The following FNDC3A variants were observed in gnomAD, a reference collection of about 807,000 sequenced individuals.
FNDC3A encodes the protein fibronectin type-III domain-containing protein 3A.
A neutral mutation model predicts 148.9 loss-of-function variants in FNDC3A; 32 were observed. The ratio of observed to expected loss-of-function variants is 0.21; its 90% CI spans 0.16 to 0.29. FNDC3A has a LOEUF of 0.29. Among genes scored for constraint, FNDC3A ranks in the 10% least tolerant of loss-of-function variants. The pLI is 1.00. For synonymous variants in FNDC3A, 472 were observed against 473.6 expected, an observed-to-expected ratio of 1.00 and a Z score of 0.04; for missense variants, 1,191 against 1,452.8, an observed-to-expected ratio of 0.82 and a Z score of 2.93.
intron 3 of FNDC3A, among the ~76,000 whole-genome samples, chr13:49,081,128 G>A (rs138613377): frequency 6.4e-4 from 98 of 152,276 alleles, no homozygotes; most frequent in African/African-American, 2.0e-3. Flanking sequence ...CTCCTTATGA[G>A]AGGCAGGTAT....
intron 8 of FNDC3A, among the ~76,000 whole-genome samples, chr13:49,160,412 G>T (rs1394345090): frequency 6.6e-6 from 1 of 152,160 alleles, no homozygotes; most frequent in Non-Finnish European, 1.5e-5. Flanking sequence ...GCATAGAGGT[G>T]TTTATAGTAT....
chr13:49,006,605 C>T (rs1310464153), intron 2 of FNDC3A, among the ~76,000 whole-genome samples: 2 of 151,746 alleles, frequency 1.3e-5, no homozygotes, highest in Admixed American at 1.3e-4. Flanking sequence ...TAAATCATTT[C>T]AAATCATTAT....
rs185316004 is a variant in FNDC3A at position 49,170,647 on chromosome 13, T to G, written c.1177-1396T>G. ...GAACAAATTCAGTTCTGCTCTACTT[T>G]TAATGACTTTGTGATCTGGGATGAT... On this transcript the variant is annotated intron_variant, in intron 10 of 25. Transcript: ENST00000492622. Among the ~76,000 whole-genome samples, 246 of 152,344 alleles carry G rather than the reference T, an allele frequency of 1.6e-3. 6 individuals are homozygous for G. The South Asian group carries it at 0.045, about 28-fold the overall frequency.
At chr13:48,988,334 A>G (rs1951844467) in intron 1 of FNDC3A, among the ~76,000 whole-genome samples, 1 of 152,230 alleles carries the variant, frequency 6.6e-6, no homozygotes, top group South Asian at 2.1e-4. Flanking sequence ...ACCCCAAAGC[A>G]TAAATTCATA....
At chr13:49,199,875 CT>C (rs1460122183) in intron 23 of FNDC3A, among the ~76,000 whole-genome samples, 2 of 152,174 alleles carry the variant, frequency 1.3e-5, no homozygotes, top group Non-Finnish European at 2.9e-5. Context: ...CAGGTTCTTT[CT>C]GTGCCTCTTT....
intron 1 of FNDC3A, among the ~76,000 whole-genome samples, chr13:48,984,069 T>A (rs1951745706): frequency 6.6e-6 from 1 of 152,202 alleles, no homozygotes; most frequent in African/African-American, 2.4e-5. Flanking sequence ...TTCATTAGCC[T>A]TCTTATATAT....
intron 14 of FNDC3A, among the ~76,000 whole-genome samples, chr13:49,181,217 G>A (rs938462881): frequency 6.6e-6 from 1 of 152,234 alleles, no homozygotes; most frequent in Admixed American, 6.5e-5. Context: ...AGATAATGAG[G>A]TTGGAGATGG....
At chr13:49,089,868 A>C (rs1879068541) in intron 3 of FNDC3A, among the ~76,000 whole-genome samples, 1 of 152,220 alleles carries the variant, frequency 6.6e-6, no homozygotes, top group Non-Finnish European at 1.5e-5. Flanking sequence ...CACAGCAATA[A>C]AAAACTAAGA....
intron 5 of FNDC3A, among the ~76,000 whole-genome samples, chr13:49,132,335 T>G (rs1389792885): frequency 6.6e-6 from 1 of 152,180 alleles, no homozygotes; most frequent in Non-Finnish European, 1.5e-5. Flanking sequence ...ACTATTTCAG[T>G]GATTTCCCAT....
chr13:49,181,345 T>A (rs980577701), intron 14 of FNDC3A, among the ~76,000 whole-genome samples: 3 of 152,224 alleles, frequency 2.0e-5, no homozygotes, highest in African/African-American at 4.8e-5. Context: ...CAGGCCATTT[T>A]GTCAGTATCG....
intron 2 of FNDC3A, among the ~76,000 whole-genome samples, chr13:49,029,162 G>C (rs1873935948): frequency 6.6e-6 from 1 of 152,064 alleles, no homozygotes; most frequent in South Asian, 2.1e-4. Context: ...AGTAGAGACA[G>C]GGTCTCCCTC....
At chr13:49,073,273 T>C (rs1877827412) in intron 2 of FNDC3A, among the ~76,000 whole-genome samples, 1 of 152,010 alleles carries the variant, frequency 6.6e-6, no homozygotes, top group African/African-American at 2.4e-5. Context: ...ATGCAAAGGG[T>C]TCATACAAAT....
At chr13:49,176,871 G>A (rs1313166008) in intron 13 of FNDC3A, among the ~76,000 whole-genome samples, 1 of 152,140 alleles carries the variant, frequency 6.6e-6, no homozygotes, top group African/African-American at 2.4e-5. Context: ...CACAATCTCA[G>A]TTCACTTCAG....
intron 14 of FNDC3A, 52 bp downstream of exon 14, chr13:49,178,706 GT>G (rs768947938): frequency 1.0e-6 from 1 of 977,916 alleles, no homozygotes; most frequent in Admixed American, 2.7e-5. Context: ...ATTCTTACTG[GT>G]GTGGTGGGGT....
At chr13:49,171,177 G>T (rs1163599531) in intron 10 of FNDC3A, among the ~76,000 whole-genome samples, 2 of 152,056 alleles carry the variant, frequency 1.3e-5, no homozygotes, top group African/African-American at 4.8e-5. Context: ...ATTAATGTAA[G>T]ATCTGTATTA....
intron 14 of FNDC3A, among the ~76,000 whole-genome samples, chr13:49,184,758 A>C (rs1005725684): frequency 1.3e-5 from 2 of 152,098 alleles, no homozygotes. Flanking sequence ...GTGTAGGTAA[A>C]GCTTGTTTGT....
chr13:49,197,870 T>C lies in FNDC3A; in HGVS notation c.2486T>C (p.Val829Ala), dbSNP rs764497856. 4 of 1,599,898 alleles carry C rather than the reference T, an allele frequency of 2.5e-6. No individual in the cohort carries two copies. The highest frequency in any genetic ancestry group is 1.8e-5 in the Admixed American group (1 of 54,762). ...LSPATTYYCR[V>A]QALSVVGAGP... ...CCAGCAACTACCTATTATTGCAGGG[T>C]CCAGGTAAAGATGATCAGTACCTTG... The change falls in exon 21 of 26, where the codon GTC becomes GCC. Residue 829 changes from valine (V) to alanine (A), a missense_variant. By Grantham distance (64) the Val-to-Ala change is moderately conservative. This residue lies in a region of FNDC3A where 751 missense variants were observed against 944.0 expected (regional missense o/e 0.80). Transcript: ENST00000492622.
At chr13:49,158,626 G>A (rs985951845) in intron 8 of FNDC3A, among the ~76,000 whole-genome samples, 1 of 152,214 alleles carries the variant, frequency 6.6e-6, no homozygotes, top group Non-Finnish European at 1.5e-5. Flanking sequence ...AGTTTAATTA[G>A]ATCCCATTTG....
intron 2 of FNDC3A, among the ~76,000 whole-genome samples, chr13:49,015,322 G>C (rs1952472923): frequency 6.6e-6 from 1 of 152,140 alleles, no homozygotes; most frequent in South Asian, 2.1e-4. Context: ...CACATCCCTT[G>C]TAAGTTGGAT....
Sources: gnomAD v4.1 joint callset for allele counts (sites outside exome capture counted in the v4.1 genomes callset) on GRCh38, gnomAD v4.1.1 for gene constraint, gnomAD v4.1.1 regional missense constraint, MANE v1.5 for transcripts, NCBI Gene and HGNC (gene_info 2026-07-23, HGNC 2026-07-21) for gene names.